The following ARHGAP44 variants were observed in gnomAD, a reference collection of about 807,000 sequenced individuals.
ARHGAP44 encodes rho GTPase-activating protein 44.
ARHGAP44 carries 43 observed loss-of-function variants against 106.8 expected under a neutral mutation model. That is an observed-to-expected ratio of 0.40 (90% CI 0.32 to 0.52). The LOEUF (loss-of-function observed/expected upper bound fraction) is 0.52, where lower values mean the gene tolerates loss of function less well. Among genes scored for constraint, ARHGAP44 ranks in the 20% least tolerant of loss-of-function variants. The pLI, the probability that ARHGAP44 is intolerant of heterozygous loss-of-function variation, is 0.48. For missense variants in ARHGAP44, 866 were observed against 1,050.5 expected, an observed-to-expected ratio of 0.82 and a Z score of 2.43; for synonymous variants, 439 against 410.3, an observed-to-expected ratio of 1.07 and a Z score of -0.85.
chr17:12,921,595 T>C (rs1274647533), intron 6 of ARHGAP44, among the ~76,000 whole-genome samples: 1 of 152,154 alleles, frequency 6.6e-6, no homozygotes, highest in Non-Finnish European at 1.5e-5. Flanking sequence ...ATTTTAATCA[T>C]CTTCACAGCT....
In ARHGAP44 at chr17:12,958,875, C is replaced by T. The variant is rs779260085; in HGVS notation, c.1501C>T (p.Leu501=). 10 of 1,609,208 alleles carry T rather than the reference C, an allele frequency of 6.2e-6. No individual in the cohort carries two copies. The African/African-American group carries it at 9.3e-5, about 15-fold the overall frequency. Residue 501 remains leucine (L), a synonymous_variant, in exon 16 of 21, where the codon CTG becomes TTG. Transcript: ENST00000379672. The surrounding 1 kb of genome is among the most constrained non-coding windows in gnomAD (Gnocchi z 4.1). ...PLSVATDNMM[L]EFYKKDGLRK... is the part of the protein sequence containing the mutation. ...CAGCGTCGCCACGGATAATATGATGCTGGAGTTTTACAAAAAGGATGGGTA... is the reference window on the plus strand; with the variant it reads ...CAGCGTCGCCACGGATAATATGATGTTGGAGTTTTACAAAAAGGATGGGTA...
At chr17:12,930,239 CTTT>C (rs372665207) in intron 7 of ARHGAP44, among the ~76,000 whole-genome samples, 1 of 146,748 alleles carries the variant, frequency 6.8e-6, no homozygotes. Context: ...CTCTCTCTCT[CTTT>C]TTTTTTTTGA....
At chr17:12,989,967 T>C (rs1468795340) in intron 20 of ARHGAP44, 65 bp from the exon 21 acceptor site, 1 of 1,578,108 alleles carries the variant, frequency 6.3e-7, no homozygotes, top group Non-Finnish European at 8.7e-7. Flanking sequence ...ATTATTTGCC[T>C]ACAACTAGGT....
At chr17:12,932,919 C>G (rs944315170) in intron 7 of ARHGAP44, among the ~76,000 whole-genome samples, 7 of 151,952 alleles carry the variant, frequency 4.6e-5, no homozygotes, top group Non-Finnish European at 8.8e-5. Flanking sequence ...GTAAGGTAGC[C>G]CCCACTCCTT....
chr17:12,972,053 T>C (rs1265012802), intron 16 of ARHGAP44, among the ~76,000 whole-genome samples: 1 of 152,206 alleles, frequency 6.6e-6, no homozygotes, highest in African/African-American at 2.4e-5. Context: ...CAGGATTTCA[T>C]GGTGTAATAG....
intron 6 of ARHGAP44, among the ~76,000 whole-genome samples, chr17:12,926,001 CCTT>C (rs1390870259): frequency 2.6e-5 from 4 of 152,176 alleles, no homozygotes; most frequent in African/African-American, 4.8e-5. Context: ...CAAGAGTTTA[CCTT>C]GGTATTTTGT....
intron 3 of ARHGAP44, among the ~76,000 whole-genome samples, chr17:12,896,836 A>G (rs554778539): frequency 3.7e-4 from 57 of 152,254 alleles, no homozygotes; most frequent in African/African-American, 1.3e-3. Context: ...TCCTTGATCG[A>G]TATCTGACCC....
chr17:12,837,912 A>T (rs189811904), intron 1 of ARHGAP44, among the ~76,000 whole-genome samples: 1 of 152,096 alleles, frequency 6.6e-6, no homozygotes, highest in African/African-American at 2.4e-5. Flanking sequence ...AAGATGATCA[A>T]TGTGCTCCAT....
At chr17:12,929,473 T>C (rs2038337752) in intron 7 of ARHGAP44, 1 of 156,382 alleles carries the variant, frequency 6.4e-6, no homozygotes, top group African/African-American at 2.4e-5. Context: ...ATCCATCCTA[T>C]GCCTCCTGGA....
chr17:12,828,636 C>CTTTTTTTTTTTTTT (rs34860101), intron 1 of ARHGAP44, among the ~76,000 whole-genome samples: 1 of 93,268 alleles, frequency 1.1e-5, no homozygotes, highest in Admixed American at 1.2e-4. Context: ...TTTTTTCTTT[C>CTTTTTTTTTTTTTT]TTTTTTTTTT....
chr17:12,801,093 T>A (rs2034078844), intron 1 of ARHGAP44, among the ~76,000 whole-genome samples: 1 of 152,254 alleles, frequency 6.6e-6, no homozygotes, highest in African/African-American at 2.4e-5. Context: ...AAGTTCTTTG[T>A]AGCTCTATGC....
chr17:12,920,872 G>A (rs2038063900), intron 6 of ARHGAP44, among the ~76,000 whole-genome samples: 1 of 152,150 alleles, frequency 6.6e-6, no homozygotes, highest in African/African-American at 2.4e-5. Context: ...GCAGGCGGGT[G>A]CCAAAGGCCC....
chr17:12,963,046 C>CA (rs71369355), intron 16 of ARHGAP44, among the ~76,000 whole-genome samples: 2,712 of 69,484 alleles, frequency 0.039, 262 homozygotes, highest in African/African-American at 0.13. Context: ...AACACCATCT[C>CA]AAAAAAAAAA....
At chr17:12,929,568 C>T (rs777471034) in intron 7 of ARHGAP44, among the ~76,000 whole-genome samples, 16 of 152,178 alleles carry the variant, frequency 1.1e-4, no homozygotes, top group South Asian at 4.1e-4. Context: ...GAGAGGACAT[C>T]GTTCTGAAAA....
chr17:12,817,505 C>A (rs1374758595), intron 1 of ARHGAP44, among the ~76,000 whole-genome samples: 1 of 151,284 alleles, frequency 6.6e-6, no homozygotes, highest in African/African-American at 2.4e-5. Flanking sequence ...CCAAATCAGG[C>A]AGAATGAAAG....
chr17:12,863,349 A>G (rs1209879520), intron 1 of ARHGAP44, among the ~76,000 whole-genome samples: 1 of 152,084 alleles, frequency 6.6e-6, no homozygotes, highest in Non-Finnish European at 1.5e-5. Context: ...TCCTTGACCT[A>G]GTTTAGTGAA....
intron 1 of ARHGAP44, among the ~76,000 whole-genome samples, chr17:12,884,263 T>C (rs1193293588): frequency 6.6e-6 from 1 of 152,200 alleles, no homozygotes; most frequent in Non-Finnish European, 1.5e-5. Context: ...TTTGAGTCTG[T>C]GTTTACTATT....
chr17:12,795,728 C>G (rs2033897854), intron 1 of ARHGAP44, among the ~76,000 whole-genome samples: 1 of 152,014 alleles, frequency 6.6e-6, no homozygotes, highest in Admixed American at 6.6e-5. Context: ...TATGCTACAT[C>G]TGTGTGGATG....
At chr17:12,873,988 C>T (rs536001088) in intron 1 of ARHGAP44, among the ~76,000 whole-genome samples, 3 of 152,100 alleles carry the variant, frequency 2.0e-5, no homozygotes, top group East Asian at 1.9e-4. Flanking sequence ...CCACTTAGAA[C>T]GAATGGCTTT....
Sources: allele counts gnomAD v4.1 joint callset (sites outside exome capture counted in the v4.1 genomes callset), GRCh38; gene constraint gnomAD v4.1.1; non-coding constraint Gnocchi (gnomAD v3.1); transcripts MANE v1.5; gene names NCBI Gene and HGNC (gene_info 2026-07-23, HGNC 2026-07-21).